The following PRORP variants were observed in gnomAD, a reference collection of about 807,000 sequenced individuals.
PRORP encodes the protein mitochondrial ribonuclease P catalytic subunit.
Under a neutral mutation model 59.4 loss-of-function variants are expected in PRORP, and 51 were observed. That is an observed-to-expected ratio of 0.86 (90% CI 0.69 to 1.08). PRORP has a LOEUF of 1.08. PRORP is among the 50% of genes least tolerant of loss of function. The probability of loss-of-function intolerance (pLI) is 0.00; values close to 1 mark genes in which losing one functional copy is unlikely to be tolerated. For synonymous variants in PRORP, 231 were observed against 245.6 expected, an observed-to-expected ratio of 0.94 and a Z score of 0.55; for missense variants, 646 against 690.3, an observed-to-expected ratio of 0.94 and a Z score of 0.72.
At chr14:35,210,409 C>T (rs2049408380) in intron 5 of PRORP, among the ~76,000 whole-genome samples, 1 of 152,030 alleles carries the variant, frequency 6.6e-6, no homozygotes, top group African/African-American at 2.4e-5. Context: ...GGTACAAAGT[C>T]ATATAAAATA....
chr14:35,220,208 C>A (rs2049735251), intron 5 of PRORP, among the ~76,000 whole-genome samples: 1 of 152,210 alleles, frequency 6.6e-6, no homozygotes, highest in South Asian at 2.1e-4. Flanking sequence ...ACTTTCCTTT[C>A]TACCAGATTC....
rs556344673 is a variant in PRORP at position 35,207,947 on chromosome 14, C to T, written c.1275+27170C>T. On this transcript the variant is annotated intron_variant, in intron 5 of 7. Coordinates refer to ENST00000534898, the MANE Select transcript of PRORP (RefSeq NM_014672.4). ...CGGGTGGATCACAAGGTCAGGAGTT[C>T]AAGACCAGCCTGGCCAATATGGTGA... Among the ~76,000 whole-genome samples, 268 of 152,226 alleles carry T rather than the reference C, an allele frequency of 1.8e-3. 2 individuals carry two copies. The highest frequency in any genetic ancestry group is 6.2e-3 in the African/African-American group (256 of 41,528).
At chr14:35,263,260 A>G (rs2050951548) in intron 5 of PRORP, among the ~76,000 whole-genome samples, 2 of 152,198 alleles carry the variant, frequency 1.3e-5, no homozygotes, top group South Asian at 2.1e-4. Flanking sequence ...CTACTTTATG[A>G]TGGATGAAAA....
At chr14:35,152,833 G>T (rs1019459642) in intron 4 of PRORP, among the ~76,000 whole-genome samples, 31 of 151,972 alleles carry the variant, frequency 2.0e-4, no homozygotes, top group African/African-American at 7.0e-4. Flanking sequence ...TCAGACGGTG[G>T]GCGGCCGGAC....
At chr14:35,247,459 G>A (rs1022104787) in intron 5 of PRORP, among the ~76,000 whole-genome samples, 1 of 152,094 alleles carries the variant, frequency 6.6e-6, no homozygotes, top group Admixed American at 6.6e-5. Flanking sequence ...AACTGTGTGG[G>A]GCTTTGTAGC....
intron 4 of PRORP, among the ~76,000 whole-genome samples, chr14:35,175,486 A>G (rs1197142032): frequency 1.3e-5 from 2 of 152,108 alleles, no homozygotes; most frequent in Middle Eastern, 3.2e-3. Flanking sequence ...CATTTCTCTG[A>G]TGGCCAGTGA....
intron 5 of PRORP, among the ~76,000 whole-genome samples, chr14:35,230,808 G>A (rs918676231): frequency 2.0e-5 from 3 of 152,164 alleles, no homozygotes; most frequent in Non-Finnish European, 2.9e-5. Context: ...TTGAGAAGCT[G>A]GTATTGTTCA....
intron 5 of PRORP, among the ~76,000 whole-genome samples, chr14:35,234,959 C>T (rs370852449): frequency 1.3e-5 from 2 of 152,102 alleles, no homozygotes; most frequent in African/African-American, 2.4e-5. Context: ...GCTGGGATTA[C>T]AGGCATGAGC....
chr14:35,242,878 A>G lies in PRORP; in HGVS notation c.1276-23849A>G, dbSNP rs1301043699. Among the ~76,000 whole-genome samples the G allele has an allele frequency of 2.0e-5, 3 of 152,220 alleles. No homozygotes were observed. In the East Asian group the frequency reaches 5.8e-4, roughly 29 times the overall value. On this transcript the variant is annotated intron_variant, in intron 5 of 7. Transcript: ENST00000534898. ...AAGAGCTACTGTCCCCAAAGATTGG[A>G]GCAAATAGCCCTGAGGGAAGTGGAA...
chr14:35,219,984 C>G (rs717994), intron 5 of PRORP, among the ~76,000 whole-genome samples: 18 of 152,348 alleles, frequency 1.2e-4, no homozygotes, highest in African/African-American at 4.3e-4. Flanking sequence ...ACTGCTTTCT[C>G]TGTGTGTTGT....
intron 4 of PRORP, among the ~76,000 whole-genome samples, chr14:35,137,280 T>C (rs185047741): frequency 1.4e-5 from 2 of 144,948 alleles, no homozygotes; most frequent in East Asian, 4.7e-4. Flanking sequence ...AGATAAAAAA[T>C]ATTGAGTATA....
rs2048332703 is a variant in PRORP at position 35,172,413 on chromosome 14, T to TTCCTTCCTTCC, written c.1168-8256_1168-8255insCCTTCCTTCCT. Reference sequence around the variant, plus strand: ...TCTACACTTTGGATTGGTTTCTTTCTTTCCTTCCTTCCTTCCTTCCTTCCT... The same window carrying TTCCTTCCTTCC: ...TCTACACTTTGGATTGGTTTCTTTCTTCCTTCCTTCCTTCCTTCCTTCCTTCCTTCCTTCCT... On this transcript the variant is annotated intron_variant, in intron 4 of 7. Coordinates refer to ENST00000534898, the MANE Select transcript of PRORP (RefSeq NM_014672.4). 1.7e-3 allele frequency among the ~76,000 whole-genome samples: 129 copies of TTCCTTCCTTCC among 77,592 alleles called. 2 individuals are homozygous for TTCCTTCCTTCC. Among genetic ancestry groups the TTCCTTCCTTCC allele is most frequent in the African/African-American group, 5.9e-3 (124 of 21,080 alleles). 50.9% of individuals were successfully genotyped at this position (77,592 alleles called of 152,430 possible).
At chr14:35,148,221 C>G (rs988987709) in intron 4 of PRORP, among the ~76,000 whole-genome samples, 4 of 152,210 alleles carry the variant, frequency 2.6e-5, no homozygotes, top group Non-Finnish European at 5.9e-5. Context: ...CAATCACTGT[C>G]TATGACAGCT....
Position 35,273,839 on chromosome 14 carries a change from C to G in PRORP, c.*273C>G, listed in dbSNP as rs761557278. 7 of 232,320 alleles carry G rather than the reference C, an allele frequency of 3.0e-5. No homozygotes were observed. Among genetic ancestry groups the G allele is most frequent in the Non-Finnish European group, 5.8e-5 (7 of 120,206 alleles). 14.4% of individuals were successfully genotyped at this position (232,320 alleles called of 1,614,324 possible). ...CATTTCTCCTACTGGGCCAGCTATT[C>G]CACTTAGCTTGGGTGACTAATAGTG... is the stretch of plus-strand genomic sequence containing the variant. On this transcript the variant is annotated 3_prime_UTR_variant, in exon 8 of 8. Transcript: ENST00000534898.
At chr14:35,269,375 T>G (rs2051129246) in intron 6 of PRORP, among the ~76,000 whole-genome samples, 1 of 152,202 alleles carries the variant, frequency 6.6e-6, no homozygotes, top group Admixed American at 6.5e-5. Flanking sequence ...CTGCTTGGTT[T>G]GGGGTCTGTA....
intron 4 of PRORP, among the ~76,000 whole-genome samples, chr14:35,159,255 G>A (rs887020414): frequency 1.3e-5 from 2 of 152,120 alleles, no homozygotes; most frequent in Admixed American, 6.6e-5. Context: ...CTACAGACAC[G>A]TGCGTCAGCC....
chr14:35,268,217 G>A (rs553850882), intron 6 of PRORP, among the ~76,000 whole-genome samples: 2 of 151,752 alleles, frequency 1.3e-5, no homozygotes, highest in Admixed American at 6.6e-5. Flanking sequence ...GGTGGCACAC[G>A]CCTTGTAGTC....
chr14:35,142,615 G>A lies in PRORP; in HGVS notation c.1167+15004G>A, dbSNP rs2047508926. On this transcript the variant is annotated intron_variant, in intron 4 of 7. Coordinates refer to ENST00000534898, the MANE Select transcript of PRORP (RefSeq NM_014672.4). Reference sequence around the variant, plus strand: ...CTAGCACTTTGGGAGGCCGAGGTGGGTGGATTGCCTGAGCTCAGAAGTTTG... The same window carrying A: ...CTAGCACTTTGGGAGGCCGAGGTGGATGGATTGCCTGAGCTCAGAAGTTTG... Among the ~76,000 whole-genome samples the A allele has an allele frequency of 1.4e-5, 2 of 144,372 alleles. 1 individual carries two copies. The highest frequency in any genetic ancestry group is 3.1e-5 in the Non-Finnish European group (2 of 65,114). 94.7% of individuals were successfully genotyped at this position (144,372 alleles called of 152,430 possible). A position where few individuals can be genotyped will look rare whatever the true frequency, so the allele number is the denominator to read the frequency against.
Position 35,273,461 on chromosome 14 carries a change from G to A in PRORP, c.1647G>A (p.Val549=), listed in dbSNP as rs1242944277. ...GTATTCTCAGCTATGACACAGTGGT[G>A]CAAACAACTGGAGACTCGTGGCACA... ...FQRILSYDTV[V]QTTGDSWHIP... is the part of the protein sequence containing the mutation. The change falls in exon 8 of 8, where the codon GTG becomes GTA. Residue 549 remains valine, a synonymous_variant. Coordinates refer to ENST00000534898, the MANE Select transcript of PRORP (RefSeq NM_014672.4). 1.9e-6 allele frequency: 3 copies of A among 1,612,230 alleles called. No homozygotes were observed. The highest frequency in any genetic ancestry group is 2.7e-5 in the African/African-American group (2 of 74,854).
Sources: allele counts gnomAD v4.1 joint callset (sites outside exome capture counted in the v4.1 genomes callset), GRCh38; gene constraint gnomAD v4.1.1; transcripts MANE v1.5; gene names NCBI Gene and HGNC (gene_info 2026-07-23, HGNC 2026-07-21).